BMPR1B: variants seen among roughly 807,000 people sequenced by gnomAD.
The protein encoded by BMPR1B is bone morphogenetic protein receptor type-1B.
BMPR1B carries 12 observed loss-of-function variants against 59.1 expected under a neutral mutation model. The ratio of observed to expected loss-of-function variants is 0.20; its 90% confidence interval spans 0.13 to 0.33. BMPR1B has a LOEUF of 0.33. Ranked by LOEUF, BMPR1B falls within the 10% of genes least tolerant of loss-of-function variation. The pLI, the probability that BMPR1B is intolerant of heterozygous loss-of-function variation, is 1.00. For missense variants in BMPR1B, 550 were observed against 610.9 expected (o/e 0.90, Z 1.05); for synonymous variants, 237 against 207.3 (o/e 1.14, Z -1.23).
intron 6 of BMPR1B, among the ~76,000 whole-genome samples, chr4:95,119,627 G>C (rs1732326547): frequency 6.6e-6 from 1 of 152,112 alleles, no homozygotes; most frequent in Non-Finnish European, 1.5e-5. Flanking sequence ...TCAAGTTCCT[G>C]AGCTCCCTTT....
intron 1 of BMPR1B, among the ~76,000 whole-genome samples, chr4:94,769,811 C>T (rs1427000578): frequency 6.6e-6 from 1 of 152,156 alleles, no homozygotes; most frequent in Non-Finnish European, 1.5e-5. Context: ...TACGATTTTA[C>T]TTTTAAAATT....
chr4:94,871,648 A>G (rs1287147014), intron 1 of BMPR1B, among the ~76,000 whole-genome samples: 2 of 152,330 alleles, frequency 1.3e-5, no homozygotes, highest in East Asian at 1.9e-4. Context: ...TTACAGTTTC[A>G]TACTAGAGAA....
chr4:95,028,825 GAATT>G lies in BMPR1B; in HGVS notation c.-18+32694_-18+32697del, dbSNP rs1724604497. 2.0e-5 allele frequency among the ~76,000 whole-genome samples: 3 copies of G among 151,874 alleles called. No individual in the cohort carries two copies. The South Asian group carries it at 6.2e-4, about 32-fold the overall frequency. ...ACAAAATATTAAAGTTGATTAAACA[GAATT>G]AAATAATAGTTAAAAATATTAATAT... On this transcript the variant is annotated intron_variant, in intron 3 of 12. Transcript: ENST00000515059.
Position 94,962,068 on chromosome 4 carries a change from T to C in BMPR1B, c.-112-33972T>C, listed in dbSNP as rs1425784771. Among the ~76,000 whole-genome samples, 1,210 of 126,556 alleles carry C rather than the reference T, an allele frequency of 9.6e-3. 18 individuals carry two copies. Among genetic ancestry groups the C allele is most frequent in the African/African-American group, 0.042 (1,118 of 26,914 alleles). The allele number at this position is 126,556 out of a possible 152,430, so 83.0% of individuals were successfully genotyped here. Reference sequence around the variant, plus strand: ...TTCTTTCTTTCTTTCTTTTCTTTCTTTTCTTTCCTTCCTTCCTTCCTTCCT... The same window carrying C: ...TTCTTTCTTTCTTTCTTTTCTTTCTCTTCTTTCCTTCCTTCCTTCCTTCCT... On this transcript the variant is annotated intron_variant, in intron 2 of 12. Transcript: ENST00000515059.
At position 95,001,507 on chromosome 4, in the gene BMPR1B, T is replaced by C. The variant is rs577826769; in HGVS notation, c.-18+5373T>C. ...TCACATTCTGCCACACAAACATTCA[T>C]TCAATAGAACATGGCACATAGTCCT... On this transcript the variant is annotated intron_variant, in intron 3 of 12. Transcript: ENST00000515059. Among the ~76,000 whole-genome samples, 7 of 152,276 alleles carry C rather than the reference T, an allele frequency of 4.6e-5. No homozygotes were observed. The South Asian group carries it at 8.3e-4, about 18-fold the overall frequency.
chr4:94,799,593 C>T (rs1473981048), intron 1 of BMPR1B, among the ~76,000 whole-genome samples: 8 of 151,664 alleles, frequency 5.3e-5, no homozygotes, highest in South Asian at 4.2e-4. Flanking sequence ...TGAGCCACTG[C>T]GCCCAGCCAA....
chr4:94,903,627 A>G (rs1269763050), intron 2 of BMPR1B, among the ~76,000 whole-genome samples: 2 of 151,916 alleles, frequency 1.3e-5, no homozygotes, highest in Non-Finnish European at 2.9e-5. Flanking sequence ...GGGCTGAATT[A>G]TATCCCTTAT....
chr4:94,937,929 A>G (rs1356059842), intron 2 of BMPR1B, among the ~76,000 whole-genome samples: 2 of 152,180 alleles, frequency 1.3e-5, no homozygotes, highest in Non-Finnish European at 2.9e-5. Context: ...TGCTTATTTT[A>G]CCTATCTTAT....
rs141032424 is a variant in BMPR1B at position 95,131,415 on chromosome 4, G to A, written c.979G>A (p.Ala327Thr). ...AATCTTTAGTACTCAAGGCAAACCA[G>A]CAATTGCCCATCGAGATCTGAAAAG... ...TEIFSTQGKPAIAHRDLKSKN... is the reference protein window; with the variant it reads ...TEIFSTQGKPTIAHRDLKSKN... Residue 327 changes from alanine to threonine, a missense_variant, in exon 10 of 13, where the codon GCA (alanine) becomes ACA (threonine). Ala to Thr is a moderately conservative substitution (Grantham distance 58). Around this residue, in one of 6 missense-constraint regions of BMPR1B, gnomAD observed 318 missense variants for 284.6 expected, o/e 1.12. Transcript: ENST00000515059. 77 of 1,613,890 alleles carry A rather than the reference G, an allele frequency of 4.8e-5. No individual in the cohort carries two copies. Among genetic ancestry groups the A allele is most frequent in the Non-Finnish European group, 5.3e-5 (63 of 1,179,994 alleles).
chr4:94,783,594 T>G (rs1400122443), intron 1 of BMPR1B, among the ~76,000 whole-genome samples: 1 of 152,220 alleles, frequency 6.6e-6, no homozygotes, highest in Non-Finnish European at 1.5e-5. Context: ...AGTAGCCTGT[T>G]TCTCTTGGAG....
At chr4:94,770,884 C>T (rs1023768931) in intron 1 of BMPR1B, among the ~76,000 whole-genome samples, 2 of 109,772 alleles carry the variant, frequency 1.8e-5, no homozygotes, top group African/African-American at 6.8e-5. Context: ...CATGATTAGC[C>T]CTGCAAAAAA....
intron 1 of BMPR1B, among the ~76,000 whole-genome samples, chr4:94,771,640 C>T (rs1722189407): frequency 6.6e-6 from 1 of 152,142 alleles, no homozygotes; most frequent in African/African-American, 2.4e-5. Flanking sequence ...TGTAATCTCC[C>T]TTATTCTACC....
chr4:94,834,343 C>T (rs1724716346), intron 1 of BMPR1B, among the ~76,000 whole-genome samples: 2 of 152,126 alleles, frequency 1.3e-5, no homozygotes, highest in African/African-American at 4.8e-5. Flanking sequence ...TCGTGATATG[C>T]TTATCTTCCT....
At chr4:94,894,949 C>T (rs1201995242) in intron 2 of BMPR1B, among the ~76,000 whole-genome samples, 1 of 151,760 alleles carries the variant, frequency 6.6e-6, no homozygotes, top group Non-Finnish European at 1.5e-5. Context: ...TACTAATTTC[C>T]TCCTTTGGGT....
chr4:94,794,451 G>A (rs1020226225), intron 1 of BMPR1B, among the ~76,000 whole-genome samples: 3 of 144,474 alleles, frequency 2.1e-5, no homozygotes, highest in East Asian at 2.0e-4. Context: ...GTCAGGTAGT[G>A]TGATGCCTCC....
At chr4:94,763,117 G>A (rs1415732141) in intron 1 of BMPR1B, among the ~76,000 whole-genome samples, 2 of 152,040 alleles carry the variant, frequency 1.3e-5, no homozygotes, top group East Asian at 1.9e-4. Context: ...ACACTGAGAC[G>A]CTTGGTTCTT....
At chr4:95,108,452 G>C (rs1731350607) in intron 4 of BMPR1B, among the ~76,000 whole-genome samples, 1 of 152,016 alleles carries the variant, frequency 6.6e-6, no homozygotes, top group Non-Finnish European at 1.5e-5. Flanking sequence ...CACCTCCCTG[G>C]AGAGAATAAT....
rs1179840699 is a variant in BMPR1B at position 95,115,589 on chromosome 4, T to G, written c.247-96T>G. Reference sequence around the variant, plus strand: ...TGAGTGAAATTGTTAGAATTTTAAATTAGTTCTCTAAATAGTGACTATTTT... The same window carrying G: ...TGAGTGAAATTGTTAGAATTTTAAAGTAGTTCTCTAAATAGTGACTATTTT... On this transcript the variant is annotated intron_variant, in intron 5 of 12. Coordinates refer to ENST00000515059, the MANE Select transcript of BMPR1B (RefSeq NM_001203.3). The G allele has an allele frequency of 3.9e-6, 4 of 1,022,848 alleles. No homozygotes were observed. The African/African-American group carries it at 4.8e-5, about 12-fold the overall frequency. 63.4% of individuals were successfully genotyped at this position (1,022,848 alleles called of 1,614,324 possible). A position where few individuals can be genotyped will look rare whatever the true frequency, so the allele number is the denominator to read the frequency against.
Position 95,000,505 on chromosome 4 carries a change from G to A in BMPR1B, c.-18+4371G>A, listed in dbSNP as rs550710387. On this transcript the variant is annotated intron_variant, in intron 3 of 12. Coordinates refer to ENST00000515059, the MANE Select transcript of BMPR1B (RefSeq NM_001203.3). Reference sequence around the variant, plus strand: ...TGGCGACAGAGCAAGACTCCATATCGAAAGAAAGAAAGAAAGAGAGAGAGA... The same window carrying A: ...TGGCGACAGAGCAAGACTCCATATCAAAAGAAAGAAAGAAAGAGAGAGAGA... Among the ~76,000 whole-genome samples, 703 of 91,514 alleles carry A rather than the reference G, an allele frequency of 7.7e-3. 8 individuals are homozygous for A. The highest frequency in any genetic ancestry group is 0.043 in the African/African-American group (641 of 14,924). 60.0% of individuals were successfully genotyped at this position (91,514 alleles called of 152,430 possible). A position where few individuals can be genotyped will look rare whatever the true frequency, so the allele number is the denominator to read the frequency against.
Sources: allele counts gnomAD v4.1 joint callset (sites outside exome capture counted in the v4.1 genomes callset), GRCh38; gene constraint gnomAD v4.1.1; regional missense constraint gnomAD v4.1.1; transcripts MANE v1.5; gene names NCBI Gene and HGNC (gene_info 2026-07-23, HGNC 2026-07-21).